The following CDH10 variants were observed in gnomAD, a reference collection of about 807,000 sequenced individuals.
CDH10 encodes the protein cadherin-10.
Under a neutral mutation model 73.1 loss-of-function variants are expected in CDH10, and 30 were observed. The observed-to-expected ratio is 0.41, with a 90% CI of 0.31 to 0.56. CDH10 has a LOEUF of 0.56. CDH10 is among the 20% of genes least tolerant of loss of function. CDH10 has a pLI of 0.27. For synonymous variants in CDH10, 345 were observed against 348.2 expected (o/e 0.99, Z 0.10); for missense variants, 815 against 973.7 (o/e 0.84, Z 2.17).
chr5:24,640,305 G>T (rs190407732), intron 1 of CDH10, among the ~76,000 whole-genome samples: 192 of 151,534 alleles, frequency 1.3e-3, no homozygotes, highest in Non-Finnish European at 2.2e-3. Context: ...AAGAGAGATG[G>T]GGTAGAAGAG....
At chr5:24,565,218 T>C (rs979263069) in intron 2 of CDH10, among the ~76,000 whole-genome samples, 5 of 152,196 alleles carry the variant, frequency 3.3e-5, no homozygotes, top group African/African-American at 1.2e-4. Context: ...AAAATTGTCT[T>C]TATTCAGACA....
At chr5:24,516,353 T>C (rs1743108367) in intron 5 of CDH10, among the ~76,000 whole-genome samples, 1 of 152,126 alleles carries the variant, frequency 6.6e-6, no homozygotes, top group South Asian at 2.1e-4. Flanking sequence ...CATATCTTGG[T>C]GAAGATATTT....
intron 1 of CDH10, among the ~76,000 whole-genome samples, chr5:24,638,992 TTTTGG>T (rs1747956220): frequency 6.6e-6 from 1 of 151,638 alleles, no homozygotes; most frequent in Non-Finnish European, 1.5e-5. Context: ...AATTTTAACG[TTTTGG>T]TTTATTTAAG....
rs771110844 is a variant in CDH10, at chr5:24,491,640, G to A, written c.1812C>T (p.Leu604=). The A allele has an allele frequency of 6.2e-7, 1 of 1,612,748 alleles. No individual in the cohort carries two copies. Among genetic ancestry groups the A allele is most frequent in the East Asian group, 2.2e-5 (1 of 44,826 alleles). ...NMQSCSAEAL[L]LPAGLSTGAL... is the part of the protein sequence containing the mutation. ...CCCCAGTGCTGAGGCCGGCAGGGAG[G>A]AGCAGGGCTTCAGCACTGCAGGATT... Residue 604 remains leucine, a synonymous_variant, in exon 11 of 12, where the codon CTC becomes CTT. Coordinates refer to ENST00000264463, the MANE Select transcript of CDH10 (RefSeq NM_006727.5).
At chr5:24,600,785 A>G (rs1015096892) in intron 1 of CDH10, among the ~76,000 whole-genome samples, 8 of 152,162 alleles carry the variant, frequency 5.3e-5, no homozygotes, top group Admixed American at 3.3e-4. Context: ...CTCAGGGGGG[A>G]AAAGAAATAT....
chr5:24,503,558 T>A (rs2111715009), intron 8 of CDH10, among the ~76,000 whole-genome samples: 1 of 152,340 alleles, frequency 6.6e-6, no homozygotes, highest in East Asian at 1.9e-4. Flanking sequence ...CCATGAATTG[T>A]CCTAGTATGG....
In CDH10 at chr5:24,487,726, C is replaced by G. The variant is rs748959403; in HGVS notation, c.2304G>C (p.Trp768Cys). The G allele has an allele frequency of 6.2e-7, 1 of 1,613,422 alleles. No individual in the cohort carries two copies. Among genetic ancestry groups the G allele is most frequent in the Non-Finnish European group, 8.5e-7 (1 of 1,179,730 alleles). ...GDQNYDYLRE[W>C]GPRFNKLAEM... Reference sequence around the variant, plus strand: ...CTGCTAGCTTATTAAACCGAGGGCCCCATTCTCGGAGGTAATCGTAGTTTT... The same window carrying G: ...CTGCTAGCTTATTAAACCGAGGGCCGCATTCTCGGAGGTAATCGTAGTTTT... Residue 768 changes from tryptophan (W) to cysteine (C), a missense_variant, in exon 12 of 12, where the codon TGG becomes TGC. By Grantham distance (215) the Trp-to-Cys change is radical. Coordinates refer to ENST00000264463, the MANE Select transcript of CDH10 (RefSeq NM_006727.5).
In CDH10 at chr5:24,628,757, A is replaced by G. The variant is rs376763609; in HGVS notation, c.-124+15837T>C. Among the ~76,000 whole-genome samples the G allele has an allele frequency of 7.9e-5, 12 of 152,076 alleles. No individual in the cohort carries two copies. The East Asian group carries it at 2.1e-3, about 27-fold the overall frequency. On this transcript the variant is annotated intron_variant, in intron 1 of 11. Transcript: ENST00000264463. ...ACCCAGGTTGGTGTCTTAGTAACCA[A>G]TTAAACTTCCATATTCATTCCTGCC...
chr5:24,525,149 C>T (rs892863828), intron 5 of CDH10, among the ~76,000 whole-genome samples: 1 of 151,918 alleles, frequency 6.6e-6, no homozygotes, highest in East Asian at 1.9e-4. Flanking sequence ...ACTGGGAGGG[C>T]GACAAAGGCA....
intron 5 of CDH10, among the ~76,000 whole-genome samples, chr5:24,514,044 C>T (rs1274353713): frequency 6.6e-6 from 1 of 152,104 alleles, no homozygotes; most frequent in Non-Finnish European, 1.5e-5. Flanking sequence ...AAGAGTTCAT[C>T]TGAGTGTAGT....
At chr5:24,528,656 G>A (rs1743621148) in intron 5 of CDH10, among the ~76,000 whole-genome samples, 1 of 152,002 alleles carries the variant, frequency 6.6e-6, no homozygotes, top group Admixed American at 6.6e-5. Flanking sequence ...AGCAATAAAA[G>A]TATGATTTAC....
At chr5:24,577,603 C>A (rs957662735) in intron 2 of CDH10, among the ~76,000 whole-genome samples, 1 of 122,222 alleles carries the variant, frequency 8.2e-6, no homozygotes, top group African/African-American at 2.5e-5. Context: ...ATTTATAAGT[C>A]AAACATAATA....
At chr5:24,527,116 T>G (rs1054992394) in intron 5 of CDH10, among the ~76,000 whole-genome samples, 1 of 150,930 alleles carries the variant, frequency 6.6e-6, no homozygotes, top group African/African-American at 2.4e-5. Context: ...CTAATCTTAT[T>G]GCATTACTCT....
chr5:24,552,068 T>G (rs952168), intron 2 of CDH10, among the ~76,000 whole-genome samples: 100,356 of 151,940 alleles, frequency 0.66, 33,254 homozygotes, highest in East Asian at 0.77. Flanking sequence ...CAAAATATTT[T>G]ATTGGGATTG....
At chr5:24,619,066 A>G (rs550202788) in intron 1 of CDH10, among the ~76,000 whole-genome samples, 2 of 152,138 alleles carry the variant, frequency 1.3e-5, no homozygotes, top group South Asian at 2.1e-4. Context: ...GGTAATGTCT[A>G]CCCTGTGCCT....
At chr5:24,642,768 C>A (rs1255221690) in intron 1 of CDH10, among the ~76,000 whole-genome samples, 1 of 152,172 alleles carries the variant, frequency 6.6e-6, no homozygotes, top group African/African-American at 2.4e-5. Context: ...AGTTTACCTT[C>A]TTTTTTCCCA....
intron 2 of CDH10, among the ~76,000 whole-genome samples, chr5:24,592,201 T>G (rs1746221906): frequency 6.6e-6 from 1 of 151,868 alleles, no homozygotes; most frequent in South Asian, 2.1e-4. Context: ...TATCAGTGTT[T>G]TAAAATCACT....
intron 5 of CDH10, 130 bp downstream of exon 5, chr5:24,534,982 T>C (rs1414932425): frequency 2.4e-6 from 2 of 824,612 alleles, no homozygotes; most frequent in East Asian, 5.5e-5. Flanking sequence ...TGTTTACTTT[T>C]GTATCACATT....
intron 11 of CDH10, among the ~76,000 whole-genome samples, chr5:24,488,801 C>CAA (rs201554304): frequency 8.7e-6 from 1 of 114,678 alleles, no homozygotes; most frequent in African/African-American, 3.2e-5. Flanking sequence ...ACCCCCCCCC[C>CAA]AAAAAAAATT....
Sources: gnomAD v4.1 joint callset for allele counts (sites outside exome capture counted in the v4.1 genomes callset) on GRCh38, gnomAD v4.1.1 for gene constraint, MANE v1.5 for transcripts, NCBI Gene and HGNC (gene_info 2026-07-23, HGNC 2026-07-21) for gene names.